CRTAC1: variants seen among roughly 807,000 people sequenced by gnomAD.
CRTAC1 encodes acidic secreted protein in cartilage.
CRTAC1 carries 37 observed loss-of-function variants against 67.8 expected under a neutral mutation model. The ratio of observed to expected loss-of-function variants is 0.55; its 90% CI spans 0.42 to 0.72. CRTAC1 has a LOEUF of 0.72. CRTAC1 is among the 30% of genes least tolerant of loss of function. The pLI is 0.00. For missense variants in CRTAC1, 780 were observed against 931.6 expected (o/e 0.84, Z 2.12); for synonymous variants, 348 against 371.0 (o/e 0.94, Z 0.71).
chr10:97,995,970 C>T (rs1246122239), intron 2 of CRTAC1, among the ~76,000 whole-genome samples: 1 of 152,092 alleles, frequency 6.6e-6, no homozygotes, highest in Non-Finnish European at 1.5e-5. Context: ...ACCATCCTGG[C>T]TAACATGGTG....
intron 2 of CRTAC1, among the ~76,000 whole-genome samples, chr10:97,981,578 A>G (rs2051892258): frequency 6.6e-6 from 1 of 152,192 alleles, no homozygotes; most frequent in Non-Finnish European, 1.5e-5. Context: ...TGCTCTTATA[A>G]ATATGCACAA....
chr10:97,936,942 C>T (rs577516569), intron 2 of CRTAC1, among the ~76,000 whole-genome samples: 75 of 152,230 alleles, frequency 4.9e-4, no homozygotes, highest in Middle Eastern at 6.8e-3. Flanking sequence ...TCCTGAGTCC[C>T]TGTGTGAATG....
At chr10:97,981,901 T>C (rs2051897746) in intron 2 of CRTAC1, among the ~76,000 whole-genome samples, 2 of 152,248 alleles carry the variant, frequency 1.3e-5, no homozygotes, top group African/African-American at 4.8e-5. Context: ...TTCATGTCTA[T>C]TGGCCATCTG....
chr10:97,909,541 A>C (rs2050659921), intron 5 of CRTAC1, among the ~76,000 whole-genome samples: 1 of 152,224 alleles, frequency 6.6e-6, no homozygotes, highest in Non-Finnish European at 1.5e-5. Flanking sequence ...ATTATCAAAA[A>C]TATGAAAGAC....
intron 11 of CRTAC1, among the ~76,000 whole-genome samples, chr10:97,886,051 T>C (rs1206059575): frequency 6.6e-6 from 1 of 152,180 alleles, no homozygotes; most frequent in East Asian, 1.9e-4. Context: ...GGTTCCCATA[T>C]TTTAGAAAAG....
At chr10:97,912,399 GGA>G (rs2050699557) in intron 5 of CRTAC1, among the ~76,000 whole-genome samples, 2 of 152,142 alleles carry the variant, frequency 1.3e-5, no homozygotes, top group South Asian at 4.1e-4. Flanking sequence ...AATGCCCCTT[GGA>G]GGTCCCCATT....
chr10:97,965,114 G>A (rs557177262), intron 2 of CRTAC1, among the ~76,000 whole-genome samples: 1 of 152,230 alleles, frequency 6.6e-6, no homozygotes, highest in Non-Finnish European at 1.5e-5. Context: ...AGTGCTGGGT[G>A]TCAGAGCTGA....
intron 2 of CRTAC1, among the ~76,000 whole-genome samples, chr10:97,965,653 C>T (rs2051603198): frequency 1.3e-5 from 2 of 151,394 alleles, no homozygotes; most frequent in South Asian, 2.1e-4. Context: ...TGGAGATACT[C>T]ATGTGAGGTG....
intron 2 of CRTAC1, among the ~76,000 whole-genome samples, chr10:98,009,387 T>G (rs1467227121): frequency 6.6e-6 from 1 of 152,140 alleles, no homozygotes; most frequent in Non-Finnish European, 1.5e-5. Context: ...CTAGAAGGCC[T>G]AGAATTGAGC....
chr10:97,942,333 AAG>A (rs2051188166), intron 2 of CRTAC1, among the ~76,000 whole-genome samples: 2 of 152,214 alleles, frequency 1.3e-5, no homozygotes, highest in South Asian at 4.1e-4. Context: ...GGAAGGTACA[AAG>A]AGCTGAACAA....
chr10:97,946,802 T>A (rs1011148198), intron 2 of CRTAC1, among the ~76,000 whole-genome samples: 9 of 152,056 alleles, frequency 5.9e-5, no homozygotes, highest in African/African-American at 2.2e-4. Flanking sequence ...CCTATTCCCC[T>A]CCAGAAGCCC....
chr10:97,918,131 C>A (rs990264365), intron 4 of CRTAC1, among the ~76,000 whole-genome samples: 2 of 152,230 alleles, frequency 1.3e-5, no homozygotes, highest in Non-Finnish European at 2.9e-5. Flanking sequence ...CTCCCTCCCC[C>A]TGTTCCCACC....
chr10:97,996,201 A>G (rs1842564038), intron 2 of CRTAC1, among the ~76,000 whole-genome samples: 1 of 151,968 alleles, frequency 6.6e-6, no homozygotes, highest in Non-Finnish European at 1.5e-5. Context: ...AAACACCAAA[A>G]GCAATGGCAA....
In CRTAC1 at chr10:98,018,199, C is replaced by CAAAAAAA. The variant is rs71007373; in HGVS notation, c.25-6869_25-6863dup. On this transcript the variant is annotated intron_variant, in intron 1 of 14. Coordinates refer to ENST00000370597, the MANE Select transcript of CRTAC1 (RefSeq NM_018058.7). ...TCTGGGTGACAGAGCAAGATGCCCG[C>CAAAAAAA]AAAAAAAAAAAAAAAAAAAAAAAAA... Among the ~76,000 whole-genome samples, 41 of 48,634 alleles carry CAAAAAAA rather than the reference C, an allele frequency of 8.4e-4. 3 individuals are homozygous for CAAAAAAA. The highest frequency in any genetic ancestry group is 2.1e-3 in the African/African-American group (22 of 10,510). The allele number at this position is 48,634 out of a possible 152,430, so 31.9% of individuals were successfully genotyped here. A position where few individuals can be genotyped will look rare whatever the true frequency, so the allele number is the denominator to read the frequency against.
At chr10:98,006,415 C>T (rs1354141066) in intron 2 of CRTAC1, among the ~76,000 whole-genome samples, 1 of 152,154 alleles carries the variant, frequency 6.6e-6, no homozygotes, top group Non-Finnish European at 1.5e-5. Context: ...CGGAGGCACT[C>T]GCCCAGATGT....
At chr10:98,012,082 T>C (rs906806471) in intron 1 of CRTAC1, among the ~76,000 whole-genome samples, 8 of 152,156 alleles carry the variant, frequency 5.3e-5, no homozygotes, top group African/African-American at 1.9e-4. Flanking sequence ...AGCAGTCAGT[T>C]AGGGGAGGCG....
chr10:97,995,258 A>G (rs1056746615), intron 2 of CRTAC1, among the ~76,000 whole-genome samples: 6 of 152,226 alleles, frequency 3.9e-5, no homozygotes, highest in Admixed American at 2.6e-4. Flanking sequence ...TTCTTGGTGC[A>G]TGGGGCTTCC....
At chr10:97,927,161 T>C (rs1218014530) in intron 3 of CRTAC1, among the ~76,000 whole-genome samples, 2 of 152,134 alleles carry the variant, frequency 1.3e-5, no homozygotes, top group African/African-American at 4.8e-5. Context: ...AGAAACTAGG[T>C]CTAGGGTGAC....
intron 2 of CRTAC1, among the ~76,000 whole-genome samples, chr10:97,962,621 G>T (rs770619198): frequency 6.6e-6 from 1 of 152,194 alleles, no homozygotes; most frequent in East Asian, 1.9e-4. Context: ...ATGCCGTGGG[G>T]ACCAGGGCTA....
Sources: allele counts gnomAD v4.1 joint callset (sites outside exome capture counted in the v4.1 genomes callset), GRCh38; gene constraint gnomAD v4.1.1; transcripts MANE v1.5; gene names NCBI Gene and HGNC (gene_info 2026-07-23, HGNC 2026-07-21).